TNNI3K: variants seen among roughly 807,000 people sequenced by gnomAD.
TNNI3K encodes the protein TNNI3 interacting kinase.
Under a neutral mutation model 114.5 loss-of-function variants are expected in TNNI3K, and 140 were observed. The observed-to-expected ratio is 1.22, with a 90% CI of 1.07 to 1.41. The LOEUF (loss-of-function observed/expected upper bound fraction) is 1.41, where lower values mean the gene tolerates loss of function less well. TNNI3K is among the 40% of genes most tolerant of loss of function. The probability of loss-of-function intolerance (pLI) is 0.00; values close to 1 mark genes in which losing one functional copy is unlikely to be tolerated. For missense variants in TNNI3K, 1,125 were observed against 1,007.6 expected (o/e 1.12, Z -1.58); for synonymous variants, 347 against 347.5 (o/e 1.00, Z 0.02).
intron 23 of TNNI3K, among the ~76,000 whole-genome samples, chr1:74,510,562 T>G (rs970438551): frequency 6.6e-6 from 1 of 152,178 alleles, no homozygotes; most frequent in African/African-American, 2.4e-5. Context: ...TCTCTTGAAT[T>G]TTTAAAAAAT....
chr1:74,388,379 C>T (rs1195688263), intron 17 of TNNI3K, among the ~76,000 whole-genome samples: 4 of 152,076 alleles, frequency 2.6e-5, no homozygotes, highest in African/African-American at 9.7e-5. Flanking sequence ...TTAATCATCT[C>T]GAGAAATAGC....
chr1:74,365,512 A>T (rs1261120697), intron 11 of TNNI3K, among the ~76,000 whole-genome samples: 1 of 152,048 alleles, frequency 6.6e-6, no homozygotes, highest in Non-Finnish European at 1.5e-5. Flanking sequence ...TAGTAAAAAA[A>T]TTTGAGAAGC....
intron 23 of TNNI3K, among the ~76,000 whole-genome samples, chr1:74,515,605 C>A (rs928681630): frequency 1.1e-4 from 16 of 152,184 alleles, no homozygotes; most frequent in Admixed American, 7.8e-4. Context: ...TGAGGTCAGA[C>A]ATAACTCAGG....
chr1:74,471,669 C>T (rs984378141), intron 21 of TNNI3K: 3 of 400,742 alleles, frequency 7.5e-6, no homozygotes, highest in African/African-American at 4.1e-5. Context: ...GTGACATCAT[C>T]GACCTATTTA....
intron 11 of TNNI3K, among the ~76,000 whole-genome samples, chr1:74,363,279 C>T (rs1426269074): frequency 6.6e-6 from 1 of 151,900 alleles, no homozygotes; most frequent in Non-Finnish European, 1.5e-5. Flanking sequence ...CAGTTGTAGT[C>T]ATGGAAAATT....
intron 4 of TNNI3K, among the ~76,000 whole-genome samples, chr1:74,252,778 C>T (rs1190423997): frequency 2.6e-5 from 4 of 152,130 alleles, no homozygotes; most frequent in Admixed American, 2.6e-4. Context: ...AGCTGCAGAC[C>T]TTCGCGGTGA....
intron 17 of TNNI3K, among the ~76,000 whole-genome samples, chr1:74,403,512 T>C (rs1251633150): frequency 6.6e-6 from 1 of 152,204 alleles, no homozygotes; most frequent in African/African-American, 2.4e-5. Flanking sequence ...TGGGGTTCAA[T>C]AGACATTTGA....
intron 4 of TNNI3K, among the ~76,000 whole-genome samples, chr1:74,258,489 G>A (rs1447262370): frequency 1.3e-5 from 2 of 152,158 alleles, no homozygotes; most frequent in Non-Finnish European, 2.9e-5. Flanking sequence ...GCTCTTCAGT[G>A]CTTGAGAACA....
intron 23 of TNNI3K, among the ~76,000 whole-genome samples, chr1:74,514,694 C>T (rs1438682849): frequency 6.6e-6 from 1 of 152,100 alleles, no homozygotes; most frequent in Admixed American, 6.6e-5. Flanking sequence ...CATGTGTGCT[C>T]TTTTTAGGAC....
At chr1:74,352,206 G>C (rs1390393996) in intron 9 of TNNI3K, among the ~76,000 whole-genome samples, 3 of 152,198 alleles carry the variant, frequency 2.0e-5, no homozygotes, top group Non-Finnish European at 2.9e-5. Flanking sequence ...CTCAGCTGCA[G>C]GTCTGTTGGA....
chr1:74,436,842 T>A (rs1387987450), intron 19 of TNNI3K, among the ~76,000 whole-genome samples: 1 of 152,088 alleles, frequency 6.6e-6, no homozygotes, highest in African/African-American at 2.4e-5. Context: ...TATAGTAAAG[T>A]AAACATTTAA....
At chr1:74,382,384 T>A (rs1408725566) in intron 17 of TNNI3K, among the ~76,000 whole-genome samples, 1 of 152,208 alleles carries the variant, frequency 6.6e-6, no homozygotes, top group African/African-American at 2.4e-5. Context: ...AGAAAGATTC[T>A]GCAAGAGATA....
rs1377186727 is a variant in TNNI3K at position 74,449,248 on chromosome 1, C to T, written c.2011+9626C>T. ...TCTTCTAGATTTTCCAGTTTATTTGCGTAGAGGTGTTTGTAGTATTCTCTG... is the reference window on the plus strand; with the variant it reads ...TCTTCTAGATTTTCCAGTTTATTTGTGTAGAGGTGTTTGTAGTATTCTCTG... On this transcript the variant is annotated intron_variant, in intron 20 of 24. Coordinates refer to ENST00000326637, the MANE Select transcript of TNNI3K (RefSeq NM_015978.3). 2.3e-4 allele frequency among the ~76,000 whole-genome samples: 35 copies of T among 151,836 alleles called. No homozygotes were observed. The East Asian group carries it at 4.9e-3, about 21-fold the overall frequency.
At chr1:74,345,617 T>A (rs1660963382) in intron 9 of TNNI3K, among the ~76,000 whole-genome samples, 1 of 152,126 alleles carries the variant, frequency 6.6e-6, no homozygotes, top group African/African-American at 2.4e-5. Flanking sequence ...TAGAACCAAG[T>A]CCCTATGCCC....
chr1:74,524,319 C>G (rs1646474390), intron 23 of TNNI3K, among the ~76,000 whole-genome samples: 1 of 152,204 alleles, frequency 6.6e-6, no homozygotes, highest in Non-Finnish European at 1.5e-5. Flanking sequence ...CTCTGTGGGC[C>G]TGCCAGAAAC....
At chr1:74,468,099 A>G (rs2100730330) in intron 21 of TNNI3K, 1 of 152,276 alleles carries the variant, frequency 6.6e-6, no homozygotes, top group African/African-American at 2.4e-5. Flanking sequence ...TCAGAAATGG[A>G]AGAGAGAAAA....
intron 2 of TNNI3K, chr1:74,240,584 G>A (rs1251453303): frequency 6.6e-6 from 1 of 152,000 alleles, no homozygotes; most frequent in Non-Finnish European, 1.5e-5. Context: ...AAAAACTATG[G>A]AAGTGATGGC....
chr1:74,415,512 T>A (rs1665073363), intron 17 of TNNI3K, among the ~76,000 whole-genome samples: 1 of 152,178 alleles, frequency 6.6e-6, no homozygotes, highest in Non-Finnish European at 1.5e-5. Context: ...TCACCTGTTA[T>A]GTTTATTTGG....
chr1:74,397,172 G>A (rs908284409), intron 17 of TNNI3K, among the ~76,000 whole-genome samples: 6 of 149,826 alleles, frequency 4.0e-5, no homozygotes, highest in African/African-American at 4.9e-5. Context: ...GGAAGAAACC[G>A]AGTATGAGGG....
Sources: gnomAD v4.1 joint callset for allele counts (sites outside exome capture counted in the v4.1 genomes callset) on GRCh38, gnomAD v4.1.1 for gene constraint, MANE v1.5 for transcripts, NCBI Gene and HGNC (gene_info 2026-07-23, HGNC 2026-07-21) for gene names.